The following C11orf65 variants were observed in gnomAD, a reference collection of about 807,000 sequenced individuals.
The protein encoded by C11orf65 is chromosome 11 open reading frame 65.
C11orf65 carries 38 observed loss-of-function variants against 35.3 expected under a neutral mutation model. That is an observed-to-expected ratio of 1.08 (90% confidence interval 0.83 to 1.41). The LOEUF is 1.41. Ranked by LOEUF, C11orf65 falls within the 40% of genes most tolerant of loss-of-function variation. C11orf65 has a pLI of 0.00. For missense variants in C11orf65, 370 were observed against 367.1 expected, an observed-to-expected ratio of 1.01 and a Z score of -0.06; for synonymous variants, 105 against 114.4, an observed-to-expected ratio of 0.92 and a Z score of 0.53.
chr11:108,343,787 A>T (rs757075362), intron 2 of C11orf65, among the ~76,000 whole-genome samples: 1 of 152,172 alleles, frequency 6.6e-6, no homozygotes, highest in Non-Finnish European at 1.5e-5. Context: ...TCTCTAAAAA[A>T]CAAACACAGT....
rs1378659157 is a variant in C11orf65, at chr11:108,326,026, G to A, written c.641-16955C>T. 7.5e-6 allele frequency: 12 copies of A among 1,608,192 alleles called. No individual in the cohort carries two copies. The highest frequency in any genetic ancestry group is 1.3e-5 in the African/African-American group (1 of 74,706). On this transcript the variant is annotated intron_variant, in intron 6 of 6. Transcript: ENST00000525729. ...CATGGTAGTAGTATCAGTAGTAAAA[G>A]TATTTATTCCCATATGTCATTTTCA...
chr11:108,327,402 A>G (rs1286462474), downstream of C11orf65: 5 of 451,450 alleles, frequency 1.1e-5, no homozygotes, highest in African/African-American at 2.0e-5. Context: ...TCTGACATAT[A>G]TAAGTACTCA....
chr11:108,462,384 T>C (rs930473347), intron 1 of C11orf65, among the ~76,000 whole-genome samples: 4 of 152,234 alleles, frequency 2.6e-5, no homozygotes, highest in Non-Finnish European at 5.9e-5. Flanking sequence ...TTCTAATTTG[T>C]ATATTTTTTT....
Position 108,343,510 on chromosome 11 carries a change from CTCA to C in C11orf65, c.227-8221_227-8219del, listed in dbSNP as rs1037996872. The C allele has an allele frequency of 2.0e-5, 21 of 1,024,800 alleles. No individual in the cohort carries two copies. In the African/African-American group the frequency reaches 2.6e-4, roughly 13 times the overall value. 63.5% of individuals were successfully genotyped at this position (1,024,800 alleles called of 1,614,324 possible). On this transcript the variant is annotated intron_variant, in intron 2 of 3. Coordinates refer to the C11orf65 transcript ENST00000524755. ...TCAAAGATACTAAGTAAAAGAAAAACTCATCAGAATGAAAGTGTGTGAGTGAAA... is the reference window on the plus strand; with the variant it reads ...TCAAAGATACTAAGTAAAAGAAAAACTCAGAATGAAAGTGTGTGAGTGAAA...
downstream of C11orf65, chr11:108,331,224 T>C (rs2086200866): frequency 1.6e-6 from 2 of 1,248,428 alleles, no homozygotes; most frequent in Middle Eastern, 6.5e-4. Context: ...CAGTTTAATT[T>C]AGGACCAAAT....
intron 2 of C11orf65, among the ~76,000 whole-genome samples, chr11:108,373,262 C>T (rs1387911023): frequency 6.6e-6 from 1 of 151,998 alleles, no homozygotes; most frequent in African/African-American, 2.4e-5. Context: ...ATGATCATGC[C>T]AATAGTGCAG....
chr11:108,317,114 A>AAC (rs2084734193), intron 6 of C11orf65, among the ~76,000 whole-genome samples: 1 of 150,514 alleles, frequency 6.6e-6, no homozygotes, highest in East Asian at 2.0e-4. Context: ...AAAAAAAAAA[A>AAC]AAAATTGTAG....
chr11:108,438,704 A>G (rs1371117805), intron 2 of C11orf65, among the ~76,000 whole-genome samples: 1 of 151,702 alleles, frequency 6.6e-6, no homozygotes, highest in East Asian at 2.0e-4. Flanking sequence ...AAAAAGATAA[A>G]CTGGACTACA....
At chr11:108,399,017 G>A (rs959942625) in intron 6 of C11orf65, among the ~76,000 whole-genome samples, 1 of 152,166 alleles carries the variant, frequency 6.6e-6, no homozygotes, top group Non-Finnish European at 1.5e-5. Flanking sequence ...TTGCTATACA[G>A]TCAGCTGTGA....
downstream of C11orf65, among the ~76,000 whole-genome samples, chr11:108,379,529 T>C (rs972886232): frequency 6.6e-6 from 1 of 151,564 alleles, no homozygotes; most frequent in African/African-American, 2.4e-5. Context: ...TAATGCTAAA[T>C]GACGAGTTAA....
intron 6 of C11orf65, chr11:108,310,129 GTGAA>G: frequency 1.2e-6 from 2 of 1,600,148 alleles, no homozygotes; most frequent in Non-Finnish European, 1.7e-6. Context: ...GTTTAAAAAA[GTGAA>G]TGACATTATA....
chr11:108,379,227 C>G (rs1459027458), downstream of C11orf65, among the ~76,000 whole-genome samples: 1 of 152,054 alleles, frequency 6.6e-6, no homozygotes, highest in African/African-American at 2.4e-5. Context: ...GGAACCAACC[C>G]AAATGTCCAA....
rs2086725697 is a variant in C11orf65, at chr11:108,335,375, C to T, written c.227-83G>A. On this transcript the variant is annotated intron_variant, in intron 2 of 3. Transcript: ENST00000524755. ...ACAGACATGTACAGTGAGGTTGCTT[C>T]TTATGAAAAAAAATACTTTGGTGTC... 9 of 1,082,728 alleles carry T rather than the reference C, an allele frequency of 8.3e-6. No homozygotes were observed. In the South Asian group the frequency reaches 1.4e-4, roughly 17 times the overall value. The allele number at this position is 1,082,728 out of a possible 1,614,324, so 67.1% of individuals were successfully genotyped here.
intron 3 of C11orf65, among the ~76,000 whole-genome samples, chr11:108,423,899 G>C (rs182066842): frequency 1.2e-3 from 181 of 152,196 alleles, no homozygotes; most frequent in Middle Eastern, 3.4e-3. Context: ...AACCCCATTC[G>C]ACGGTCACCA....
intron 3 of C11orf65, among the ~76,000 whole-genome samples, chr11:108,408,562 G>C (rs1591489140): frequency 6.6e-6 from 1 of 151,594 alleles, no homozygotes; most frequent in South Asian, 2.1e-4. Flanking sequence ...TGTAATTCCA[G>C]CTACTCTGGA....
At chr11:108,439,595 A>AT (rs1274288036) in intron 2 of C11orf65, among the ~76,000 whole-genome samples, 1 of 152,284 alleles carries the variant, frequency 6.6e-6, no homozygotes, top group Non-Finnish European at 1.5e-5. Flanking sequence ...AGATGAATGG[A>AT]TAAATACAAT....
At position 108,356,930 on chromosome 11, in the gene C11orf65, C is replaced by T. The variant is rs935045322; in HGVS notation, c.227-21638G>A. On this transcript the variant is annotated intron_variant, in intron 2 of 3. Transcript: ENST00000524755. ...AACTGTCACCTTTAAACACACCCTC[C>T]GGGAGGAGGAGCCAAGATGGCCGAA... 6.6e-5 allele frequency among the ~76,000 whole-genome samples: 10 copies of T among 152,086 alleles called. 1 individual carries two copies. Among genetic ancestry groups the T allele is most frequent in the South Asian group, 4.1e-4 (2 of 4,826 alleles).
intron 2 of C11orf65, among the ~76,000 whole-genome samples, chr11:108,375,944 C>A (rs1246995331): frequency 1.3e-5 from 2 of 152,254 alleles, no homozygotes; most frequent in African/African-American, 2.4e-5. Context: ...AACTATCCTA[C>A]ATATATATGC....
At position 108,343,257 on chromosome 11, in the gene C11orf65, A is replaced by G. The variant is rs756686570; in HGVS notation, c.227-7965T>C. ...TCTCTCAGCGAAGTGGTGTTCTTGA[A>G]TGGTGCACAGGAACTGTCCCCATTG... is the stretch of plus-strand genomic sequence containing the variant. On this transcript the variant is annotated intron_variant, in intron 2 of 3. Coordinates refer to the C11orf65 transcript ENST00000524755. 4 of 1,614,016 alleles carry G rather than the reference A, an allele frequency of 2.5e-6. No homozygotes were observed. The South Asian group carries it at 3.3e-5, about 13-fold the overall frequency.
Sources: allele counts gnomAD v4.1 joint callset (sites outside exome capture counted in the v4.1 genomes callset), GRCh38; gene constraint gnomAD v4.1.1; transcripts MANE v1.5; gene names NCBI Gene and HGNC (gene_info 2026-07-23, HGNC 2026-07-21).